The following ZFYVE28 variants were observed in gnomAD, a reference collection of about 807,000 sequenced individuals.
ZFYVE28 encodes the protein lateral signaling target protein 2 homolog.
ZFYVE28 carries 40 observed loss-of-function variants against 82.1 expected under a neutral mutation model. That is an observed-to-expected ratio of 0.49 (90% CI 0.38 to 0.63). The LOEUF is 0.63. Among genes scored for constraint, ZFYVE28 ranks in the 30% least tolerant of loss-of-function variants. ZFYVE28 has a pLI of 0.00. For synonymous variants in ZFYVE28, 612 were observed against 546.1 expected (o/e 1.12, Z -1.68); for missense variants, 1,321 against 1,242.1 (o/e 1.06, Z -0.96).
chr4:2,330,968 G>A (rs1322828381), intron 6 of ZFYVE28: 1 of 1,535,210 alleles, frequency 6.5e-7, no homozygotes, highest in African/African-American at 1.4e-5. Flanking sequence ...GAGGGCCCCT[G>A]AAGAGGATCC....
At chr4:2,382,166 G>A (rs1232001625) in intron 1 of ZFYVE28, among the ~76,000 whole-genome samples, 7 of 152,204 alleles carry the variant, frequency 4.6e-5, no homozygotes, top group East Asian at 1.9e-4. Context: ...CTGCAGGGGT[G>A]GGGCACTCAT....
intron 7 of ZFYVE28, among the ~76,000 whole-genome samples, chr4:2,316,707 T>A (rs1718260096): frequency 6.6e-6 from 1 of 151,974 alleles, no homozygotes. Flanking sequence ...CTCTTTTTTT[T>A]TTTGAGATGG....
chr4:2,314,885 C>T (rs1717984286), intron 7 of ZFYVE28, among the ~76,000 whole-genome samples: 2 of 152,072 alleles, frequency 1.3e-5, no homozygotes, highest in Non-Finnish European at 2.9e-5. Flanking sequence ...CTCAAATGAT[C>T]CTCCCACCTT....
At chr4:2,325,638 A>G (rs915480341) in intron 6 of ZFYVE28, among the ~76,000 whole-genome samples, 3 of 122,646 alleles carry the variant, frequency 2.4e-5, no homozygotes, top group South Asian at 4.9e-4. Flanking sequence ...GTCTCTTTCC[A>G]TTGCCCAGAC....
chr4:2,404,048 T>A (rs1208128462), intron 1 of ZFYVE28, among the ~76,000 whole-genome samples: 2 of 149,984 alleles, frequency 1.3e-5, no homozygotes, highest in South Asian at 4.2e-4. Flanking sequence ...GGGCCGGGCA[T>A]GGTGGCTCAC....
intron 6 of ZFYVE28, among the ~76,000 whole-genome samples, chr4:2,323,070 T>C (rs1038090758): frequency 4.6e-5 from 7 of 152,148 alleles, no homozygotes; most frequent in Non-Finnish European, 8.8e-5. Flanking sequence ...CCTAGAAGGG[T>C]ATGTGGTATG....
At chr4:2,325,255 T>G (rs79948803) in intron 6 of ZFYVE28, among the ~76,000 whole-genome samples, 24,647 of 152,212 alleles carry the variant, frequency 0.16, 2,141 homozygotes, top group African/African-American at 0.17. Flanking sequence ...ATCCTGCCAA[T>G]GAACAAATTT....
intron 1 of ZFYVE28, among the ~76,000 whole-genome samples, chr4:2,388,684 T>C (rs1297617266): frequency 6.6e-6 from 1 of 152,160 alleles, no homozygotes; most frequent in Non-Finnish European, 1.5e-5. Context: ...CTGCTCTCGA[T>C]GTTCACTGCA....
chr4:2,348,346 A>T (rs1353641686), intron 2 of ZFYVE28, among the ~76,000 whole-genome samples: 1 of 152,226 alleles, frequency 6.6e-6, no homozygotes, highest in African/African-American at 2.4e-5. Context: ...CTCCAGTTCC[A>T]GATAGATTAA....
At chr4:2,337,646 C>G (rs1722058212) in intron 4 of ZFYVE28, 150 bp from the exon 5 acceptor site, 2 of 592,508 alleles carry the variant, frequency 3.4e-6, no homozygotes, top group Non-Finnish European at 5.9e-6. Flanking sequence ...CGTTGGGAGT[C>G]TGAGGTGGGA....
intron 8 of ZFYVE28, among the ~76,000 whole-genome samples, chr4:2,290,230 C>T (rs1264295571): frequency 6.6e-6 from 1 of 152,186 alleles, no homozygotes; most frequent in Non-Finnish European, 1.5e-5. Flanking sequence ...GGGGATGGCC[C>T]GGCAGTCCCC....
Position 2,418,483 on chromosome 4 carries a change from G to A in ZFYVE28, c.-160C>T. On this transcript the variant is annotated 5_prime_UTR_variant, in exon 1 of 13. Transcript: ENST00000290974. The surrounding 1 kb of genome is among the most constrained non-coding windows in gnomAD (Gnocchi z 4.6). ...AAGCCCGGAGCGCCGAGCGGGCGGC[G>A]GGCAGGTGCGCGGGGCAGGTGCGCG... 2.5e-6 allele frequency: 1 copy of A among 402,812 alleles called. No homozygotes were observed. Among genetic ancestry groups the A allele is most frequent in the Non-Finnish European group, 3.4e-6 (1 of 292,980 alleles). 25.0% of individuals were successfully genotyped at this position (402,812 alleles called of 1,614,324 possible). A position where few individuals can be genotyped will look rare whatever the true frequency, so the allele number is the denominator to read the frequency against.
chr4:2,271,437 A>G (rs200695316), intron 11 of ZFYVE28, 23 bp from the exon 12 acceptor site: 2 of 1,607,962 alleles, frequency 1.2e-6, no homozygotes, highest in East Asian at 4.5e-5. Flanking sequence ...CAGCAGCGTC[A>G]CATCAGCGAC....
chr4:2,367,140 G>C (rs751780437), intron 1 of ZFYVE28, among the ~76,000 whole-genome samples: 45 of 152,358 alleles, frequency 3.0e-4, no homozygotes, highest in Non-Finnish European at 5.0e-4. Flanking sequence ...AGGAGAATGG[G>C]TGGTGAGAGC....
At chr4:2,329,217 C>T (rs1720320541) in intron 6 of ZFYVE28, 1 of 607,936 alleles carries the variant, frequency 1.6e-6, no homozygotes, top group African/African-American at 1.8e-5. Flanking sequence ...GGAGTATTGC[C>T]ATTCTAACTA....
chr4:2,308,683 G>GAAAGGGAAAGAAAGAAAAGA, intron 7 of ZFYVE28, among the ~76,000 whole-genome samples: 1 of 81,512 alleles, frequency 1.2e-5, no homozygotes, highest in African/African-American at 5.0e-5. Flanking sequence ...GAAAGAGAAA[G>GAAAGGGAAAGAAAGAAAAGA]AAAGAAAAGA....
At chr4:2,317,260 T>C (rs1486202075) in intron 7 of ZFYVE28, among the ~76,000 whole-genome samples, 1 of 152,188 alleles carries the variant, frequency 6.6e-6, no homozygotes, top group Non-Finnish European at 1.5e-5. Context: ...AGTGCTGGGA[T>C]TACAGGAGTG....
intron 10 of ZFYVE28, among the ~76,000 whole-genome samples, chr4:2,272,565 C>T (rs374874987): frequency 2.4e-4 from 37 of 152,304 alleles, no homozygotes; most frequent in African/African-American, 8.7e-4. Flanking sequence ...CATGTGTGCA[C>T]GTGTATGTGC....
chr4:2,357,924 G>A (rs936562974), intron 1 of ZFYVE28, among the ~76,000 whole-genome samples: 15 of 152,198 alleles, frequency 9.9e-5, no homozygotes, highest in African/African-American at 3.4e-4. Context: ...GTCAACACGG[G>A]CCCCTCGCTG....
Sources: gnomAD v4.1 joint callset for allele counts (sites outside exome capture counted in the v4.1 genomes callset) on GRCh38, gnomAD v4.1.1 for gene constraint, Gnocchi (gnomAD v3.1) non-coding constraint, MANE v1.5 for transcripts, NCBI Gene and HGNC (gene_info 2026-07-23, HGNC 2026-07-21) for gene names.